GNG7: variants seen among roughly 807,000 people sequenced by gnomAD.
The protein encoded by GNG7 is G protein subunit gamma 7, also known as guanine nucleotide-binding protein G(I)/G(S)/G(O) subunit gamma-7.
Under a neutral mutation model 4.0 loss-of-function variants are expected in GNG7, and 1 was observed. The observed-to-expected ratio is 0.25, with a 90% confidence interval of 0.09 to 1.18. The LOEUF is 1.18. GNG7 is among the 50% of genes most tolerant of loss of function. GNG7 has a pLI of 0.50. For synonymous variants in GNG7, 34 were observed against 36.9 expected, an observed-to-expected ratio of 0.92 and a Z score of 0.29; for missense variants, 86 against 91.9, an observed-to-expected ratio of 0.94 and a Z score of 0.26.
intron 2 of GNG7, among the ~76,000 whole-genome samples, chr19:2,568,727 GAC>G (rs200318954): frequency 0.31 from 46,775 of 148,718 alleles, 8,320 homozygotes; most frequent in Non-Finnish European, 0.41. Flanking sequence ...TACACATACA[GAC>G]ACATATACAT....
chr19:2,686,303 A>G (rs1335779903), intron 1 of GNG7, among the ~76,000 whole-genome samples: 1 of 151,648 alleles, frequency 6.6e-6, no homozygotes, highest in African/African-American at 2.4e-5. Flanking sequence ...GATTACAGGC[A>G]CCCGCCACCA....
chr19:2,588,190 T>C (rs1042539335), intron 2 of GNG7, among the ~76,000 whole-genome samples: 1 of 152,126 alleles, frequency 6.6e-6, no homozygotes, highest in Non-Finnish European at 1.5e-5. Context: ...ACCTAGCAAG[T>C]CCCTTGAGCA....
In GNG7 at chr19:2,532,761, C is replaced by A. The variant is rs762092076; in HGVS notation, c.-37-12036G>T. Among the ~76,000 whole-genome samples, 29 of 152,098 alleles carry A rather than the reference C, an allele frequency of 1.9e-4. 1 individual carries two copies. The highest frequency in any genetic ancestry group is 5.2e-4 in the Admixed American group (8 of 15,250). On this transcript the variant is annotated intron_variant, in intron 3 of 4. Transcript: ENST00000382159. ...ATCAAGAGAGACTGCCTCTCAACCA[C>A]TAGAGTGGCAAAAATTTAAAAGACT...
chr19:2,636,764 T>G (rs1164915013), intron 2 of GNG7, among the ~76,000 whole-genome samples: 1 of 151,924 alleles, frequency 6.6e-6, no homozygotes, highest in Non-Finnish European at 1.5e-5. Context: ...GGGCTGTCAG[T>G]GTTGAACCAG....
chr19:2,636,977 CGTCCCCACCTGCACCTCT>C (rs1040932992), intron 2 of GNG7, among the ~76,000 whole-genome samples: 57 of 151,814 alleles, frequency 3.8e-4, no homozygotes, highest in Non-Finnish European at 2.2e-4. Context: ...CCTGCACTTC[CGTCCCCACCTGCACCTCT>C]GTCCCCACCT....
Position 2,698,974 on chromosome 19 carries a change from C to T in GNG7, c.-135+3672G>A, listed in dbSNP as rs182927176. On this transcript the variant is annotated intron_variant, in intron 1 of 4. Coordinates refer to ENST00000382159, the MANE Select transcript of GNG7 (RefSeq NM_052847.3). ...AAAGCTCCTCTGTAAGATCGAGACGCACCTGCAGAATTTGAGCTTCGTTGG... is the reference window on the plus strand; with the variant it reads ...AAAGCTCCTCTGTAAGATCGAGACGTACCTGCAGAATTTGAGCTTCGTTGG... 2.0e-5 allele frequency among the ~76,000 whole-genome samples: 3 copies of T among 152,256 alleles called. No individual in the cohort carries two copies. The East Asian group carries it at 5.8e-4, about 29-fold the overall frequency.
At chr19:2,635,148 C>T (rs1982272600) in intron 2 of GNG7, among the ~76,000 whole-genome samples, 1 of 152,218 alleles carries the variant, frequency 6.6e-6, no homozygotes, top group African/African-American at 2.4e-5. Context: ...GGGCACCCCC[C>T]AGTCGTGTAA....
At chr19:2,687,299 A>G (rs1267504171) in intron 1 of GNG7, among the ~76,000 whole-genome samples, 2 of 151,876 alleles carry the variant, frequency 1.3e-5, no homozygotes, top group East Asian at 1.9e-4. Flanking sequence ...GGCTCAAGCA[A>G]TCCTCTCATC....
chr19:2,530,767 GC>G (rs1978556967), intron 3 of GNG7, among the ~76,000 whole-genome samples: 1 of 152,142 alleles, frequency 6.6e-6, no homozygotes, highest in Non-Finnish European at 1.5e-5. Flanking sequence ...CTGCTCAAGG[GC>G]CTGCAGGGTT....
intron 2 of GNG7, among the ~76,000 whole-genome samples, chr19:2,569,908 G>C (rs1980094390): frequency 1.3e-5 from 2 of 152,162 alleles, no homozygotes; most frequent in African/African-American, 4.8e-5. Context: ...GACAAAAATA[G>C]CCACAAAATC....
chr19:2,676,184 G>A (rs1983589169), intron 1 of GNG7, among the ~76,000 whole-genome samples: 1 of 152,212 alleles, frequency 6.6e-6, no homozygotes, highest in Admixed American at 6.5e-5. Flanking sequence ...GCCGGGAACG[G>A]CCCTGCCCAC....
chr19:2,571,166 G>A (rs538917181), intron 2 of GNG7, among the ~76,000 whole-genome samples: 53 of 150,748 alleles, frequency 3.5e-4, no homozygotes, highest in African/African-American at 1.2e-3. Flanking sequence ...CTGGCCTCTC[G>A]GACTGTCACC....
intron 1 of GNG7, among the ~76,000 whole-genome samples, chr19:2,686,954 G>A (rs1236299769): frequency 4.0e-5 from 6 of 151,514 alleles, no homozygotes; most frequent in Admixed American, 1.3e-4. Context: ...GGGTTTCACC[G>A]TGTTAGCCAG....
intron 2 of GNG7, among the ~76,000 whole-genome samples, chr19:2,571,859 G>C (rs1056201786): frequency 5.3e-5 from 8 of 151,916 alleles, no homozygotes; most frequent in Admixed American, 1.3e-4. Flanking sequence ...GCCTCCCAAA[G>C]TGTTGGGATT....
chr19:2,564,795 G>A (rs1979850937), intron 2 of GNG7, among the ~76,000 whole-genome samples: 1 of 152,016 alleles, frequency 6.6e-6, no homozygotes, highest in South Asian at 2.1e-4. Flanking sequence ...TCCAAAAGTA[G>A]GAGAGGAGAC....
At chr19:2,535,325 CA>C (rs10606231) in intron 3 of GNG7, among the ~76,000 whole-genome samples, 2,293 of 126,050 alleles carry the variant, frequency 0.018, 51 homozygotes, top group African/African-American at 0.049. Context: ...CTTGACTCTA[CA>C]AAAAAAAAAA....
chr19:2,592,014 AG>A (rs1204070938), intron 2 of GNG7, among the ~76,000 whole-genome samples: 1 of 152,220 alleles, frequency 6.6e-6, no homozygotes, highest in Admixed American at 6.6e-5. Flanking sequence ...ACTTTGTGGA[AG>A]GTTATTCGTC....
chr19:2,603,459 G>A (rs901606398), intron 2 of GNG7, among the ~76,000 whole-genome samples: 6 of 152,208 alleles, frequency 3.9e-5, no homozygotes, highest in Non-Finnish European at 5.9e-5. Context: ...GGGTGGGACC[G>A]GCATCCGGTG....
chr19:2,680,299 G>A (rs1983699826), intron 1 of GNG7, among the ~76,000 whole-genome samples: 3 of 151,424 alleles, frequency 2.0e-5, no homozygotes, highest in South Asian at 2.1e-4. Context: ...ACAGGCACCC[G>A]CCACCATGCC....
Sources: gnomAD v4.1 joint callset for allele counts (sites outside exome capture counted in the v4.1 genomes callset) on GRCh38, gnomAD v4.1.1 for gene constraint, MANE v1.5 for transcripts, NCBI Gene and HGNC (gene_info 2026-07-23, HGNC 2026-07-21) for gene names.